The following NIBAN1 variants were observed in gnomAD, a reference collection of about 807,000 sequenced individuals.
The protein encoded by NIBAN1 is niban apoptosis regulator 1.
In NIBAN1, 81 loss-of-function variants were observed where a neutral mutation model predicts 75.1. That is an observed-to-expected ratio of 1.08 (90% CI 0.90 to 1.30). NIBAN1 has a LOEUF of 1.30. Ranked by LOEUF, NIBAN1 falls within the 50% of genes most tolerant of loss-of-function variation. NIBAN1 has a pLI of 0.00. For synonymous variants in NIBAN1, 436 were observed against 424.8 expected, an observed-to-expected ratio of 1.03 and a Z score of -0.32; for missense variants, 1,133 against 1,128.1, an observed-to-expected ratio of 1.00 and a Z score of -0.06.
chr1:184,884,534 C>A, intron 5 of NIBAN1, 99 bp downstream of exon 5: 3 of 1,497,406 alleles, frequency 2.0e-6, no homozygotes, highest in Non-Finnish European at 2.7e-6. Context: ...TCATCTGTGG[C>A]TCTTTCTAAG....
chr1:184,809,660 T>C (rs1211775804), intron 9 of NIBAN1, among the ~76,000 whole-genome samples: 1 of 134,848 alleles, frequency 7.4e-6, no homozygotes, highest in Non-Finnish European at 1.5e-5. Context: ...TATACACATA[T>C]ATATGTGTGT....
At chr1:184,914,886 C>A (rs1316472959) in intron 1 of NIBAN1, among the ~76,000 whole-genome samples, 1 of 152,080 alleles carries the variant, frequency 6.6e-6, no homozygotes, top group Non-Finnish European at 1.5e-5. Context: ...CCATGCCCAG[C>A]TAATTTTTTG....
chr1:184,906,268 A>AACACACACAC (rs35005865), intron 1 of NIBAN1, among the ~76,000 whole-genome samples: 28 of 149,744 alleles, frequency 1.9e-4, no homozygotes, highest in African/African-American at 6.6e-4. Context: ...AAAATAAATG[A>AACACACACAC]ACACACACAC....
intron 3 of NIBAN1, 89 bp from the exon 4 acceptor site, chr1:184,890,311 G>C: frequency 2.3e-6 from 2 of 866,412 alleles, no homozygotes; most frequent in Admixed American, 3.9e-5. Context: ...GACAGATTCA[G>C]ACATTCAGAG....
intron 1 of NIBAN1, among the ~76,000 whole-genome samples, chr1:184,962,019 G>A (rs747703437): frequency 1.3e-5 from 2 of 152,148 alleles, no homozygotes; most frequent in South Asian, 2.1e-4. Flanking sequence ...TCTTTGTTAC[G>A]TTCCCATGAG....
At chr1:184,903,733 C>CTT (rs368105582) in intron 1 of NIBAN1, among the ~76,000 whole-genome samples, 29,636 of 99,796 alleles carry the variant, frequency 0.3, 5,353 homozygotes, top group South Asian at 0.39. Context: ...CCGATTAAAC[C>CTT]TTTTTTTTTT....
intron 5 of NIBAN1, among the ~76,000 whole-genome samples, chr1:184,873,943 T>C (rs1656172685): frequency 6.6e-6 from 1 of 152,140 alleles, no homozygotes; most frequent in Non-Finnish European, 1.5e-5. Context: ...GCAATAATAA[T>C]ATATTGATTG....
chr1:184,823,575 A>G lies in NIBAN1; in HGVS notation c.822+63T>C, dbSNP rs143669174. On this transcript the variant is annotated intron_variant, in intron 7 of 13. Coordinates refer to ENST00000367511, the MANE Select transcript of NIBAN1 (RefSeq NM_052966.4). The stretch of plus-strand genomic sequence containing the variant: ...CAACAACAACAACAAATGCCCTAAA[A>G]GAAAAGGGAAGAGAATGTTCCCATT... 5 of 1,559,484 alleles carry G rather than the reference A, an allele frequency of 3.2e-6. No homozygotes were observed. The East Asian group carries it at 1.1e-4, about 35-fold the overall frequency.
At chr1:184,813,891 A>C (rs1253427412) in intron 9 of NIBAN1, among the ~76,000 whole-genome samples, 2 of 152,246 alleles carry the variant, frequency 1.3e-5, no homozygotes, top group Admixed American at 6.5e-5. Context: ...CACCTAGTAC[A>C]TAATTAAAAT....
chr1:184,908,366 G>A (rs1194377886), intron 1 of NIBAN1, among the ~76,000 whole-genome samples: 1 of 152,160 alleles, frequency 6.6e-6, no homozygotes, highest in Non-Finnish European at 1.5e-5. Flanking sequence ...AGGTCCCATT[G>A]GCACTGTGCA....
chr1:184,921,622 C>T (rs1444501331), intron 1 of NIBAN1, among the ~76,000 whole-genome samples: 1 of 152,162 alleles, frequency 6.6e-6, no homozygotes, highest in Admixed American at 6.5e-5. Flanking sequence ...GCTTAGAAAG[C>T]ACACAATATT....
At chr1:184,808,292 T>C in intron 9 of NIBAN1, 57 bp from the exon 10 acceptor site, 3 of 1,533,820 alleles carry the variant, frequency 2.0e-6, no homozygotes, top group East Asian at 2.3e-5. Flanking sequence ...CGGTATTGCA[T>C]ATATATTGCA....
intron 5 of NIBAN1, among the ~76,000 whole-genome samples, chr1:184,875,784 G>T (rs1434234836): frequency 1.3e-5 from 2 of 152,120 alleles, no homozygotes; most frequent in African/African-American, 4.8e-5. Context: ...TAAAGCCCAA[G>T]AAAATAGAAG....
intron 5 of NIBAN1, among the ~76,000 whole-genome samples, chr1:184,841,593 C>T (rs490194): frequency 0.57 from 87,316 of 152,066 alleles, 25,502 homozygotes; most frequent in African/African-American, 0.66. Context: ...TTTATCTATA[C>T]GAAGATCTTC....
chr1:184,906,642 T>A (rs1657113571), intron 1 of NIBAN1, among the ~76,000 whole-genome samples: 1 of 151,646 alleles, frequency 6.6e-6, no homozygotes, highest in Admixed American at 6.6e-5. Flanking sequence ...AAAAAGAAAA[T>A]AATAATAATA....
Position 184,873,823 on chromosome 1 carries a change from C to T in NIBAN1, c.601+10810G>A, listed in dbSNP as rs1656169989. On this transcript the variant is annotated intron_variant, in intron 5 of 13. Transcript: ENST00000367511. ...GTATGCTTTCCTCCTGTTAATCTGT[C>T]TTTTATCAGCTTAATTCACCGATTC... 6.6e-5 allele frequency among the ~76,000 whole-genome samples: 10 copies of T among 152,212 alleles called. 1 individual carries two copies. In the South Asian group the frequency reaches 2.1e-3, roughly 32 times the overall value.
chr1:184,969,163 G>T (rs1466484809), intron 1 of NIBAN1, among the ~76,000 whole-genome samples: 1 of 152,174 alleles, frequency 6.6e-6, no homozygotes, highest in African/African-American at 2.4e-5. Context: ...AAAATTTGGG[G>T]ATTCTATCAT....
intron 8 of NIBAN1, among the ~76,000 whole-genome samples, chr1:184,821,257 A>G (rs925780749): frequency 6.6e-6 from 1 of 152,232 alleles, no homozygotes; most frequent in Non-Finnish European, 1.5e-5. Flanking sequence ...CCCAAGAGTC[A>G]TATGGGAGGA....
intron 6 of NIBAN1, among the ~76,000 whole-genome samples, chr1:184,826,978 G>A (rs139549821): frequency 6.3e-4 from 96 of 152,188 alleles, no homozygotes; most frequent in African/African-American, 2.1e-3. Context: ...CCTAGGGGCT[G>A]TTTCCCCCAT....
Sources: allele counts gnomAD v4.1 joint callset (sites outside exome capture counted in the v4.1 genomes callset), GRCh38; gene constraint gnomAD v4.1.1; transcripts MANE v1.5; gene names NCBI Gene and HGNC (gene_info 2026-07-23, HGNC 2026-07-21).